SNX6: variants seen among roughly 807,000 people sequenced by gnomAD.
SNX6 encodes the protein sorting nexin-6.
In SNX6, 34 loss-of-function variants were observed where a neutral mutation model predicts 63.0. That is an observed-to-expected ratio of 0.54 (90% CI 0.41 to 0.72). The LOEUF is 0.72. Ranked by LOEUF, SNX6 falls within the 30% of genes least tolerant of loss-of-function variation. The pLI is 0.00. For synonymous variants in SNX6, 170 were observed against 164.2 expected (o/e 1.04, Z -0.27); for missense variants, 398 against 471.4 (o/e 0.84, Z 1.44).
At chr14:34,583,277 C>T (rs1201545759) in intron 9 of SNX6, among the ~76,000 whole-genome samples, 1 of 152,090 alleles carries the variant, frequency 6.6e-6, no homozygotes, top group African/African-American at 2.4e-5. Context: ...CCACTGCACT[C>T]CAGCCTGGGC....
chr14:34,627,453 C>CA (rs1289371850), intron 2 of SNX6, among the ~76,000 whole-genome samples: 3,010 of 134,794 alleles, frequency 0.022, 118 homozygotes, highest in African/African-American at 0.07. Context: ...GACTCCGTTT[C>CA]AAAAAAAAAA....
At chr14:34,596,653 A>G (rs983716839) in intron 7 of SNX6, among the ~76,000 whole-genome samples, 2 of 151,494 alleles carry the variant, frequency 1.3e-5, no homozygotes, top group African/African-American at 4.8e-5. Context: ...AGAAAATGGA[A>G]AAGCTGAGAT....
intron 8 of SNX6, among the ~76,000 whole-genome samples, chr14:34,588,169 A>G (rs1026977860): frequency 1.7e-4 from 26 of 151,862 alleles, no homozygotes; most frequent in African/African-American, 5.6e-4. Flanking sequence ...CACCACGCCC[A>G]GCTAATTTTT....
chr14:34,594,797 G>T (rs1398227679), intron 7 of SNX6, among the ~76,000 whole-genome samples: 1 of 152,230 alleles, frequency 6.6e-6, no homozygotes, highest in East Asian at 1.9e-4. Context: ...GACAAAATGT[G>T]ACTGAAATCT....
Position 34,563,048 on chromosome 14 carries a change from C to A in SNX6, c.*74G>T, listed in dbSNP as rs142868914. 771 of 1,455,118 alleles carry A rather than the reference C, an allele frequency of 5.3e-4. 9 individuals carry two copies. In the East Asian group the frequency reaches 0.017, roughly 33 times the overall value. The allele number at this position is 1,455,118 out of a possible 1,614,324, so 90.1% of individuals were successfully genotyped here. ...TGTTTGTTTCCAGTGAGCATAAATGCTTAACATCATTAAGAAAACAAAAAT... is the reference window on the plus strand; with the variant it reads ...TGTTTGTTTCCAGTGAGCATAAATGATTAACATCATTAAGAAAACAAAAAT... On this transcript the variant is annotated 3_prime_UTR_variant, in exon 14 of 14. Coordinates refer to ENST00000362031, the MANE Select transcript of SNX6 (RefSeq NM_152233.4).
intron 2 of SNX6, among the ~76,000 whole-genome samples, chr14:34,625,584 A>T (rs1883795631): frequency 6.6e-6 from 1 of 152,006 alleles, no homozygotes; most frequent in Non-Finnish European, 1.5e-5. Flanking sequence ...AATACAAAAA[A>T]ATTAGCCAGG....
intron 3 of SNX6, among the ~76,000 whole-genome samples, chr14:34,608,402 ATCAT>A (rs1384002236): frequency 6.6e-6 from 1 of 152,148 alleles, no homozygotes; most frequent in Non-Finnish European, 1.5e-5. Flanking sequence ...GACTCAAGCG[ATCAT>A]CCTGCCTCGG....
chr14:34,581,506 T>C (rs958120880), intron 10 of SNX6, 55 bp downstream of exon 10: 10 of 1,020,854 alleles, frequency 9.8e-6, no homozygotes, highest in Middle Eastern at 2.3e-4. Flanking sequence ...ACCTTTAACA[T>C]GAGCTCTCTC....
rs936906980 is a variant in SNX6 at position 34,602,333 on chromosome 14, G to A, written c.516+1015C>T. On this transcript the variant is annotated intron_variant, in intron 6 of 13. Transcript: ENST00000362031. ...CCCAGCTACTTGAGAGTCTGAGGCAGAAGAATTGCTTGAACCAAGGAGGCA... is the reference window on the plus strand; with the variant it reads ...CCCAGCTACTTGAGAGTCTGAGGCAAAAGAATTGCTTGAACCAAGGAGGCA... Among the ~76,000 whole-genome samples, 3 of 151,866 alleles carry A rather than the reference G, an allele frequency of 2.0e-5. No individual in the cohort carries two copies. The South Asian group carries it at 6.2e-4, about 32-fold the overall frequency.
intron 4 of SNX6, among the ~76,000 whole-genome samples, chr14:34,606,453 CT>C (rs56390466): frequency 1.1e-4 from 16 of 141,590 alleles, no homozygotes; most frequent in Admixed American, 2.1e-4. Flanking sequence ...TCCAACTCTT[CT>C]TTTTTTTTTT....
At position 34,593,153 on chromosome 14, in the gene SNX6, A is replaced by G. The variant is rs745384169; in HGVS notation, c.613-3T>C. 9.0e-6 allele frequency: 14 copies of G among 1,552,290 alleles called. No individual in the cohort carries two copies. Among genetic ancestry groups the G allele is most frequent in the African/African-American group, 8.3e-5 (6 of 72,554 alleles). On this transcript the variant is annotated splice_polypyrimidine_tract_variant and splice_region_variant and intron_variant, in intron 7 of 13. Coordinates refer to ENST00000362031, the MANE Select transcript of SNX6 (RefSeq NM_152233.4). ...TGCTCAAAGAAATCATCTACATCCT[A>G]TAAGATCAAAAGAAAATATAAACTT... is the stretch of plus-strand genomic sequence containing the variant.
chr14:34,609,610 A>C, intron 3 of SNX6, 28 bp downstream of exon 3: 1 of 1,468,558 alleles, frequency 6.8e-7, no homozygotes, highest in Non-Finnish European at 9.5e-7. Context: ...AATGGCTAAA[A>C]TAATAGAAAG....
chr14:34,569,213 A>T, intron 11 of SNX6: 1 of 624,310 alleles, frequency 1.6e-6, no homozygotes, highest in Non-Finnish European at 2.9e-6. Context: ...TCCATGTACC[A>T]CATAACTCAC....
rs71121210 is a variant in SNX6 at position 34,578,937 on chromosome 14, CAAAAAAAAAAAAAAAA to C, written c.834+2608_834+2623del. Reference sequence around the variant, plus strand: ...CTGGCGACAGAGCGAGACTTCATCTCAAAAAAAAAAAAAAAAAAAAAAAAAAAAAGGTTAAACTAAA... The same window carrying C: ...CTGGCGACAGAGCGAGACTTCATCTCAAAAAAAAAAAAAGGTTAAACTAAA... On this transcript the variant is annotated intron_variant, in intron 10 of 13. Transcript: ENST00000362031. 3.9e-3 allele frequency among the ~76,000 whole-genome samples: 88 copies of C among 22,554 alleles called. 3 individuals carry two copies. Among genetic ancestry groups the C allele is most frequent in the African/African-American group, 8.9e-3 (81 of 9,096 alleles). 14.8% of individuals were successfully genotyped at this position (22,554 alleles called of 152,430 possible).
chr14:34,589,492 CAT>C lies in SNX6; in HGVS notation c.719-3189_719-3188del, dbSNP rs537774192. On this transcript the variant is annotated intron_variant, in intron 8 of 13. Transcript: ENST00000362031. ...AAAACAAAACAAAAAACAAAGAAAA[CAT>C]AAAGATTCTAAGAAGGGTCAAAAAC... Among the ~76,000 whole-genome samples, 581 of 151,746 alleles carry C rather than the reference CAT, an allele frequency of 3.8e-3. 1 individual carries two copies. The highest frequency in any genetic ancestry group is 0.013 in the African/African-American group (550 of 41,376).
At chr14:34,587,023 A>C (rs1311271990) in intron 8 of SNX6, among the ~76,000 whole-genome samples, 1 of 149,848 alleles carries the variant, frequency 6.7e-6, no homozygotes, top group South Asian at 2.1e-4. Context: ...AAAAAAAAAA[A>C]AAAAAAAAAA....
intron 13 of SNX6, among the ~76,000 whole-genome samples, chr14:34,563,561 A>AAAAAAAAAAATAAG (rs1881028623): frequency 6.8e-6 from 1 of 147,328 alleles, no homozygotes. Context: ...TGCGTCTCAA[A>AAAAAAAAAAATAAG]AAAAAAAAAA....
At chr14:34,575,626 A>G in intron 11 of SNX6, 130 bp downstream of exon 11, 1 of 453,140 alleles carries the variant, frequency 2.2e-6, no homozygotes, top group South Asian at 2.9e-5. Flanking sequence ...AAGGAGAAAT[A>G]GAATTCATAT....
At chr14:34,570,056 T>C (rs1016373297) in intron 11 of SNX6, among the ~76,000 whole-genome samples, 14 of 150,726 alleles carry the variant, frequency 9.3e-5, no homozygotes, top group African/African-American at 3.2e-4. Flanking sequence ...ATTTTGTTTT[T>C]TTGGGGTTTT....
Sources: gnomAD v4.1 joint callset for allele counts (sites outside exome capture counted in the v4.1 genomes callset) on GRCh38, gnomAD v4.1.1 for gene constraint, MANE v1.5 for transcripts, NCBI Gene and HGNC (gene_info 2026-07-23, HGNC 2026-07-21) for gene names.